Variants in LRRC7 observed in about 807,000 individuals in gnomAD.
LRRC7 encodes leucine rich repeat containing 7.
In LRRC7, 23 loss-of-function variants were observed where a neutral mutation model predicts 175.7. The ratio of observed to expected loss-of-function variants is 0.13; its 90% CI spans 0.09 to 0.19. LRRC7 has a LOEUF of 0.19. Ranked by LOEUF, LRRC7 falls within the 10% of genes least tolerant of loss-of-function variation. The probability of loss-of-function intolerance (pLI) is 1.00; values close to 1 mark genes in which losing one functional copy is unlikely to be tolerated. For synonymous variants in LRRC7, 685 were observed against 680.9 expected (o/e 1.01, Z -0.09); for missense variants, 1,354 against 1,904.7 (o/e 0.71, Z 5.38).
Position 69,984,850 on chromosome 1 carries a change from T to C in LRRC7, c.787-1392T>C, listed in dbSNP as rs1398127878. ...TTACAATCCTTTTGCTTTCCTTGCCTATAAAATAGAGTTTGCATTTCTTCA... is the reference window on the plus strand; with the variant it reads ...TTACAATCCTTTTGCTTTCCTTGCCCATAAAATAGAGTTTGCATTTCTTCA... On this transcript the variant is annotated intron_variant, in intron 9 of 26. Transcript: ENST00000651989. Among the ~76,000 whole-genome samples the C allele has an allele frequency of 3.3e-5, 5 of 152,168 alleles. No individual in the cohort carries two copies. In the South Asian group the frequency reaches 1.0e-3, roughly 31 times the overall value.
chr1:70,108,185 G>A (rs1376701268), intron 26 of LRRC7, among the ~76,000 whole-genome samples: 1 of 151,552 alleles, frequency 6.6e-6, no homozygotes, highest in Admixed American at 6.6e-5. Context: ...CTTTCATGAG[G>A]GAGAAGGAAC....
intron 4 of LRRC7, among the ~76,000 whole-genome samples, chr1:69,823,081 C>G (rs897770668): frequency 1.3e-5 from 2 of 152,164 alleles, no homozygotes; most frequent in Admixed American, 1.3e-4. Flanking sequence ...CAAATGTCAT[C>G]TAGATTTTGA....
At chr1:69,992,937 T>C (rs931734538) in intron 10 of LRRC7, among the ~76,000 whole-genome samples, 1 of 152,080 alleles carries the variant, frequency 6.6e-6, no homozygotes, top group African/African-American at 2.4e-5. Flanking sequence ...CTCCCAAGCT[T>C]CTTGTGACCC....
chr1:70,041,115 T>C (rs1659857714), intron 21 of LRRC7, among the ~76,000 whole-genome samples: 1 of 152,132 alleles, frequency 6.6e-6, no homozygotes, highest in Non-Finnish European at 1.5e-5. Flanking sequence ...CAGTGTAAAT[T>C]GGGGATCTGG....
chr1:70,036,451 T>G lies in LRRC7; in HGVS notation c.2115T>G (p.Thr705=), dbSNP rs760093038. 78 of 1,608,606 alleles carry G rather than the reference T, an allele frequency of 4.8e-5. No homozygotes were observed. Among genetic ancestry groups the G allele is most frequent in the Non-Finnish European group, 6.6e-5 (78 of 1,178,248 alleles). ...TTCCCCTTTAAATTTCAGAATCAAC[T>G]GATGAGTCTGAAGTTGACAAAACTC... ...VLLGKDKKES[T]DESEVDKTHC... Residue 705 remains threonine (T), a synonymous_variant, in exon 20 of 27, where the codon ACT becomes ACG. Coordinates refer to ENST00000651989, the MANE Select transcript of LRRC7 (RefSeq NM_001370785.2).
At chr1:70,062,812 T>G (rs1440030058) in intron 23 of LRRC7, among the ~76,000 whole-genome samples, 17 of 152,104 alleles carry the variant, frequency 1.1e-4, no homozygotes, top group Admixed American at 1.1e-3. Flanking sequence ...GATTTTAGTA[T>G]TATTTAATTC....
intron 7 of LRRC7, among the ~76,000 whole-genome samples, chr1:69,849,307 C>T (rs1223590731): frequency 1.3e-5 from 2 of 151,814 alleles, no homozygotes; most frequent in African/African-American, 4.8e-5. Context: ...TTCAGTGGCA[C>T]TGTAGATAAA....
chr1:69,795,331 C>T (rs892204043), intron 4 of LRRC7, among the ~76,000 whole-genome samples: 9 of 150,820 alleles, frequency 6.0e-5, no homozygotes, highest in South Asian at 2.1e-4. Context: ...AGTGAGATCA[C>T]GCCACTGCAC....
At chr1:69,813,911 C>T (rs1242052698) in intron 4 of LRRC7, among the ~76,000 whole-genome samples, 1 of 152,030 alleles carries the variant, frequency 6.6e-6, no homozygotes, top group Non-Finnish European at 1.5e-5. Context: ...AGATATATTG[C>T]TCAAGTAAGG....
At chr1:69,663,700 A>ATTTTTTTGT (rs1657829245) in intron 1 of LRRC7, among the ~76,000 whole-genome samples, 1 of 67,726 alleles carries the variant, frequency 1.5e-5, no homozygotes, top group Non-Finnish European at 2.5e-5. Flanking sequence ...AATCGTTTTA[A>ATTTTTTTGT]TTTTTTTTTT....
intron 7 of LRRC7, among the ~76,000 whole-genome samples, chr1:69,898,662 A>ACTGCTGCTG (rs35234345): frequency 0.041 from 6,188 of 150,836 alleles, 185 homozygotes; most frequent in East Asian, 0.13. Context: ...TGCTATCATC[A>ACTGCTGCTG]CTGCTGCTGC....
chr1:69,659,514 C>CAAAA (rs561697511), intron 1 of LRRC7, among the ~76,000 whole-genome samples: 25 of 122,358 alleles, frequency 2.0e-4, no homozygotes, highest in African/African-American at 4.4e-4. Flanking sequence ...AACAATCAGC[C>CAAAA]AAAAAAAAAA....
chr1:69,995,054 T>A (rs1446650362), intron 11 of LRRC7, among the ~76,000 whole-genome samples: 1 of 152,148 alleles, frequency 6.6e-6, no homozygotes, highest in Admixed American at 6.6e-5. Flanking sequence ...ATTAGTAACA[T>A]TTAATATTTA....
chr1:69,652,309 C>G (rs1655964323), intron 1 of LRRC7, among the ~76,000 whole-genome samples: 1 of 151,954 alleles, frequency 6.6e-6, no homozygotes, highest in African/African-American at 2.4e-5. Context: ...GATACAAAAT[C>G]AACACACAAA....
intron 12 of LRRC7, 148 bp downstream of exon 12, chr1:70,012,074 T>G (rs1371558241): frequency 1.1e-5 from 5 of 459,362 alleles, no homozygotes; most frequent in Non-Finnish European, 1.8e-5. Flanking sequence ...CTAATTATTC[T>G]ATTTTAAATG....
intron 16 of LRRC7, 67 bp downstream of exon 16, chr1:70,021,196 C>A: frequency 1.3e-6 from 2 of 1,515,950 alleles, no homozygotes; most frequent in Non-Finnish European, 1.8e-6. Flanking sequence ...TTTTCTTATT[C>A]AGATAGATTT....
chr1:69,906,546 G>A (rs1484021127), intron 7 of LRRC7, among the ~76,000 whole-genome samples: 1 of 152,098 alleles, frequency 6.6e-6, no homozygotes, highest in Admixed American at 6.6e-5. Flanking sequence ...TTTTTCTCAG[G>A]TTTGTCAAAG....
intron 7 of LRRC7, among the ~76,000 whole-genome samples, chr1:69,890,010 A>G (rs915504213): frequency 6.6e-6 from 1 of 152,214 alleles, no homozygotes; most frequent in South Asian, 2.1e-4. Flanking sequence ...TTCTACACTG[A>G]AGTCTTAAAC....
At chr1:69,933,716 A>T (rs148791877) in intron 8 of LRRC7, among the ~76,000 whole-genome samples, 1 of 152,310 alleles carries the variant, frequency 6.6e-6, no homozygotes, top group African/African-American at 2.4e-5. Context: ...TCATATGAAT[A>T]TGTGTGAATC....
Sources: gnomAD v4.1 joint callset for allele counts (sites outside exome capture counted in the v4.1 genomes callset) on GRCh38, gnomAD v4.1.1 for gene constraint, MANE v1.5 for transcripts, NCBI Gene and HGNC (gene_info 2026-07-23, HGNC 2026-07-21) for gene names.